PWWP2A: variants seen among roughly 807,000 people sequenced by gnomAD.
PWWP2A encodes the protein PWWP domain containing 2A.
In PWWP2A, 18 loss-of-function variants were observed where a neutral mutation model predicts 48.5. The ratio of observed to expected loss-of-function variants is 0.37; its 90% CI spans 0.26 to 0.55. The LOEUF is 0.55. PWWP2A is among the 20% of genes least tolerant of loss of function. The probability of loss-of-function intolerance (pLI) is 0.81; values close to 1 mark genes in which losing one functional copy is unlikely to be tolerated. For missense variants in PWWP2A, 867 were observed against 976.4 expected (o/e 0.89, Z 1.49); for synonymous variants, 396 against 387.7 (o/e 1.02, Z -0.25).
intron 1 of PWWP2A, chr5:160,113,201 C>T: frequency 1.0e-6 from 1 of 981,022 alleles, no homozygotes; most frequent in Non-Finnish European, 1.2e-6. Flanking sequence ...AACACTCTGT[C>T]CAGTCAATAA....
At chr5:160,089,680 C>T, downstream of PWWP2A, 1 of 1,281,072 alleles carries the variant, frequency 7.8e-7, no homozygotes, top group Non-Finnish European at 1.0e-6. Flanking sequence ...TAAAGACATT[C>T]TTAGCTTTCA....
Position 160,091,930 on chromosome 5 carries a change from T to C in PWWP2A, c.*452A>G. The C allele has an allele frequency of 1.0e-6, 1 of 983,064 alleles. No individual in the cohort carries two copies. Among genetic ancestry groups the C allele is most frequent in the Non-Finnish European group, 1.2e-6 (1 of 828,568 alleles). The allele number at this position is 983,064 out of a possible 1,614,324, so 60.9% of individuals were successfully genotyped here. A position where few individuals can be genotyped will look rare whatever the true frequency, so the allele number is the denominator to read the frequency against. On this transcript the variant is annotated 3_prime_UTR_variant, in exon 2 of 2. Coordinates refer to ENST00000307063, the MANE Select transcript of PWWP2A (RefSeq NM_001130864.2). Reference sequence around the variant, plus strand: ...CCTTATTGCAATCCCAAATATGCAATCTGTGTCACACAGTGACAGGCTGTA... The same window carrying C: ...CCTTATTGCAATCCCAAATATGCAACCTGTGTCACACAGTGACAGGCTGTA...
At chr5:160,074,338 T>G (rs1275878746), downstream of PWWP2A, among the ~76,000 whole-genome samples, 1 of 151,718 alleles carries the variant, frequency 6.6e-6, no homozygotes, top group Non-Finnish European at 1.5e-5. Context: ...TTCGGGAGGC[T>G]GAGGCAGGAG....
chr5:160,069,074 C>A (rs1445887107), intron 2 of PWWP2A, among the ~76,000 whole-genome samples: 1 of 152,002 alleles, frequency 6.6e-6, no homozygotes, highest in African/African-American at 2.4e-5. Context: ...TGGCAGACTG[C>A]TTTAGCTCAG....
intron 1 of PWWP2A, among the ~76,000 whole-genome samples, chr5:160,101,707 G>T (rs2113596050): frequency 6.6e-6 from 1 of 151,080 alleles, no homozygotes; most frequent in African/African-American, 2.4e-5. Flanking sequence ...ATCTAAGACA[G>T]GCATGCCCAT....
the PWWP2A span, among the ~76,000 whole-genome samples, chr5:160,055,640 G>A: frequency 6.6e-6 from 1 of 152,312 alleles, no homozygotes; most frequent in African/African-American, 2.4e-5. Flanking sequence ...AGCAATCTAA[G>A]TTTTAACCTC....
chr5:160,108,228 C>G (rs1473652974), intron 1 of PWWP2A, among the ~76,000 whole-genome samples: 1 of 151,334 alleles, frequency 6.6e-6, no homozygotes, highest in African/African-American at 2.4e-5. Flanking sequence ...CAGAATGAAA[C>G]CAGGTTTAAT....
downstream of PWWP2A, chr5:160,090,475 A>G (rs1754974127): frequency 1.0e-6 from 1 of 983,018 alleles, no homozygotes; most frequent in Middle Eastern, 5.2e-4. Context: ...TGTGAATTTC[A>G]AAGAATTTTT....
At chr5:160,101,546 T>C (rs1756290616) in intron 1 of PWWP2A, among the ~76,000 whole-genome samples, 1 of 152,152 alleles carries the variant, frequency 6.6e-6, no homozygotes, top group African/African-American at 2.4e-5. Context: ...TTAAAAACTA[T>C]TGAATTTTAG....
At chr5:160,091,023 G>A (rs575733396), downstream of PWWP2A, 27 of 984,990 alleles carry the variant, frequency 2.7e-5, no homozygotes, top group Admixed American at 6.2e-5. Flanking sequence ...GTAATTACCC[G>A]AATGTAAAAA....
chr5:160,075,502 TAAA>T (rs1010921348), downstream of PWWP2A, among the ~76,000 whole-genome samples: 21 of 152,272 alleles, frequency 1.4e-4, no homozygotes, highest in African/African-American at 5.1e-4. Context: ...GCTGGGCTCT[TAAA>T]GAAGCAACCA....
downstream of PWWP2A, chr5:160,089,590 C>T (rs1754906089): frequency 1.6e-6 from 2 of 1,288,536 alleles, no homozygotes; most frequent in East Asian, 1.1e-4. Flanking sequence ...AATGATTAGT[C>T]AGCTTCCTGG....
In PWWP2A at chr5:160,091,568, T is replaced by G; in HGVS notation, c.*814A>C. On this transcript the variant is annotated 3_prime_UTR_variant, in exon 2 of 2. Transcript: ENST00000307063. ...TTTACTGGGACATATCCTAAGAATT[T>G]AGGAACAGCCAGTCAGGAGAAATCT... The G allele has an allele frequency of 2.0e-6, 2 of 981,980 alleles. No homozygotes were observed. The highest frequency in any genetic ancestry group is 9.5e-5 in the South Asian group (2 of 21,148). The allele number at this position is 981,980 out of a possible 1,614,324, so 60.8% of individuals were successfully genotyped here.
rs375344988 is a variant in PWWP2A at position 160,117,582 on chromosome 5, A to G, written c.584+1223T>C. On this transcript the variant is annotated intron_variant, in intron 1 of 1. Transcript: ENST00000307063. ...TGAGGCGGGAGAATCGCTTGAACCC[A>G]GGAGGCGGAGGTTGCAGTGAGACGA... 4.1e-4 allele frequency among the ~76,000 whole-genome samples: 62 copies of G among 152,008 alleles called. No individual in the cohort carries two copies. The South Asian group carries it at 0.012, about 29-fold the overall frequency.
intron 1 of PWWP2A, among the ~76,000 whole-genome samples, chr5:160,114,975 A>T (rs1757963764): frequency 6.6e-6 from 1 of 151,754 alleles, no homozygotes; most frequent in South Asian, 2.1e-4. Context: ...TCTCTACTAA[A>T]AAATACAAAA....
chr5:160,056,301 C>T, the PWWP2A span, among the ~76,000 whole-genome samples: 3 of 152,218 alleles, frequency 2.0e-5, no homozygotes, highest in Admixed American at 6.5e-5. Context: ...TCCACTCATA[C>T]CTTCACTTTC....
chr5:160,049,001 T>C, the PWWP2A span, among the ~76,000 whole-genome samples: 6 of 152,120 alleles, frequency 3.9e-5, no homozygotes, highest in Non-Finnish European at 5.9e-5. Context: ...AACTCTGTTC[T>C]GGCCTGTCCT....
Position 160,093,284 on chromosome 5 carries a change from C to T in PWWP2A, c.1366G>A (p.Val456Ile). The T allele has an allele frequency of 2.5e-6, 4 of 1,613,962 alleles. No homozygotes were observed. The highest frequency in any genetic ancestry group is 3.4e-6 in the Non-Finnish European group (4 of 1,179,878). The change falls in exon 2 of 2, where the codon GTC (valine) becomes ATC (isoleucine). Residue 456 changes from valine (V) to isoleucine (I), a missense_variant. Val to Ile is a conservative substitution (Grantham distance 29, BLOSUM62 3). Transcript: ENST00000307063. The surrounding 1 kb of genome is among the most constrained non-coding windows in gnomAD (Gnocchi z 5.8). ...TSTSKNAHSK[V>I]HFTRRYQNPS... ...TTCTGATATCGACGTGTGAAATGGACTTTTGAATGTGCATTTTTGGAAGTA... is the reference window on the plus strand; with the variant it reads ...TTCTGATATCGACGTGTGAAATGGATTTTTGAATGTGCATTTTTGGAAGTA...
chr5:160,099,017 C>T lies in PWWP2A; in HGVS notation c.585-4952G>A, dbSNP rs375878539. Reference sequence around the variant, plus strand: ...TGTGAAAAAACACATCACAACTCCTCGGAGTGTTTGCAGTGGAAATTCCTA... The same window carrying T: ...TGTGAAAAAACACATCACAACTCCTTGGAGTGTTTGCAGTGGAAATTCCTA... On this transcript the variant is annotated intron_variant, in intron 1 of 1. Transcript: ENST00000307063. Among the ~76,000 whole-genome samples the T allele has an allele frequency of 5.1e-4, 77 of 152,306 alleles. 1 individual carries two copies. The highest frequency in any genetic ancestry group is 1.7e-3 in the African/African-American group (72 of 41,570).
Sources: allele counts gnomAD v4.1 joint callset (sites outside exome capture counted in the v4.1 genomes callset), GRCh38; gene constraint gnomAD v4.1.1; non-coding constraint Gnocchi (gnomAD v3.1); transcripts MANE v1.5; gene names NCBI Gene and HGNC (gene_info 2026-07-23, HGNC 2026-07-21).